Variants in TRIM2 observed in about 807,000 individuals in gnomAD.
TRIM2 encodes tripartite motif containing 2, also known as tripartite motif-containing protein 2.
A neutral mutation model predicts 75.2 loss-of-function variants in TRIM2; 20 were observed. The ratio of observed to expected loss-of-function variants is 0.27; its 90% CI spans 0.19 to 0.39. The LOEUF is 0.39. Ranked by LOEUF, TRIM2 falls within the 10% of genes least tolerant of loss-of-function variation. TRIM2 has a pLI of 1.00. For missense variants in TRIM2, 660 were observed against 990.8 expected (o/e 0.67, Z 4.48); for synonymous variants, 373 against 388.3 (o/e 0.96, Z 0.46).
intron 6 of TRIM2, among the ~76,000 whole-genome samples, chr4:153,301,587 TC>T (rs780701451): frequency 1.4e-4 from 21 of 152,218 alleles, no homozygotes; most frequent in Admixed American, 4.6e-4. Flanking sequence ...TGGAGCTTTT[TC>T]CCTATGTTTT....
chr4:153,249,478 G>A (rs1272441892), intron 1 of TRIM2, among the ~76,000 whole-genome samples: 1 of 152,270 alleles, frequency 6.6e-6, no homozygotes, highest in Non-Finnish European at 1.5e-5. Flanking sequence ...AGGAACATTT[G>A]CGAGGTTCTC....
chr4:153,192,263 A>C (rs1733272503), intron 1 of TRIM2, among the ~76,000 whole-genome samples: 1 of 152,182 alleles, frequency 6.6e-6, no homozygotes, highest in Non-Finnish European at 1.5e-5. Flanking sequence ...TCTACATTAC[A>C]ATCAAAGCAT....
chr4:153,196,431 T>G (rs1733787374), intron 1 of TRIM2, among the ~76,000 whole-genome samples: 1 of 152,152 alleles, frequency 6.6e-6, no homozygotes, highest in Non-Finnish European at 1.5e-5. Flanking sequence ...GGCAAGACCC[T>G]GTCTCTTAAA....
At chr4:153,310,142 T>C (rs1765928940) in intron 6 of TRIM2, 1 of 152,214 alleles carries the variant, frequency 6.6e-6, no homozygotes, top group Non-Finnish European at 1.5e-5. Context: ...GATTTAATTA[T>C]GGAATTATAG....
chr4:153,271,829 T>C (rs1245328117), intron 2 of TRIM2, among the ~76,000 whole-genome samples: 1 of 152,210 alleles, frequency 6.6e-6, no homozygotes, highest in Non-Finnish European at 1.5e-5. Context: ...ATAGCTTGGC[T>C]GATACTCTCT....
chr4:153,155,628 C>G (rs1018970079), intron 1 of TRIM2, among the ~76,000 whole-genome samples: 4 of 152,172 alleles, frequency 2.6e-5, no homozygotes, highest in African/African-American at 9.7e-5. Context: ...GTAAAATTAA[C>G]CACCAAGAGG....
At chr4:153,229,585 C>T (rs1268298806) in intron 1 of TRIM2, among the ~76,000 whole-genome samples, 1 of 152,124 alleles carries the variant, frequency 6.6e-6, no homozygotes, top group African/African-American at 2.4e-5. Flanking sequence ...ACAGTATCTA[C>T]TAGAAATCAA....
At position 153,308,034 on chromosome 4, in the gene TRIM2, A is replaced by T. The variant is rs557293416; in HGVS notation, c.1511-7451A>T. The T allele has an allele frequency of 5.5e-4, 425 of 775,236 alleles. 5 individuals carry two copies. The highest frequency in any genetic ancestry group is 4.2e-3 in the South Asian group (316 of 74,494). 48.0% of individuals were successfully genotyped at this position (775,236 alleles called of 1,614,324 possible). ...CAGGTCTCCTTTAACCTCTTTCTTG[A>T]TGCTCTCCAACATGTCATAAGGACT... On this transcript the variant is annotated intron_variant, in intron 6 of 11. Transcript: ENST00000338700.
chr4:153,190,217 T>C (rs1733042462), intron 1 of TRIM2, among the ~76,000 whole-genome samples: 1 of 152,220 alleles, frequency 6.6e-6, no homozygotes. Flanking sequence ...GTAGAGAAGA[T>C]GAATTCTGTA....
At chr4:153,203,193 C>T (rs1734615821), upstream of TRIM2, among the ~76,000 whole-genome samples, 1 of 150,682 alleles carries the variant, frequency 6.6e-6, no homozygotes, top group Admixed American at 6.6e-5. Context: ...TCCAAATATA[C>T]TGAACTTCTG....
At chr4:153,269,915 ATTTATTTTTTAT>A (rs1484322053) in intron 1 of TRIM2, among the ~76,000 whole-genome samples, 2 of 151,846 alleles carry the variant, frequency 1.3e-5, no homozygotes, top group Non-Finnish European at 2.9e-5. Flanking sequence ...ACCTTTATTT[ATTTATTTTTTAT>A]TTTATTTTTT....
At chr4:153,240,089 C>T (rs1746160832) in intron 1 of TRIM2, among the ~76,000 whole-genome samples, 1 of 152,110 alleles carries the variant, frequency 6.6e-6, no homozygotes, top group African/African-American at 2.4e-5. Flanking sequence ...CCGTCTCAGC[C>T]TCCCAAAATG....
rs189561514 is a variant in TRIM2 at position 153,307,410 on chromosome 4, G to A, written c.1511-8075G>A. Reference sequence around the variant, plus strand: ...TAATTTAAAATGGATGTGTAAAATCGCTTAGCATGAATTCAGAGACTTTAC... The same window carrying A: ...TAATTTAAAATGGATGTGTAAAATCACTTAGCATGAATTCAGAGACTTTAC... On this transcript the variant is annotated intron_variant, in intron 6 of 11. Transcript: ENST00000338700. 3.0e-3 allele frequency among the ~76,000 whole-genome samples: 455 copies of A among 152,110 alleles called. 1 individual carries two copies. Among genetic ancestry groups the A allele is most frequent in the African/African-American group, 0.01 (425 of 41,462 alleles).
intron 1 of TRIM2, among the ~76,000 whole-genome samples, chr4:153,208,304 CTT>C (rs1736026175): frequency 1.3e-5 from 2 of 151,832 alleles, no homozygotes; most frequent in Admixed American, 1.3e-4. Flanking sequence ...GGAAAGTACA[CTT>C]TTTATTTTCA....
chr4:153,301,763 G>A (rs1214682626), intron 6 of TRIM2, among the ~76,000 whole-genome samples: 1 of 152,124 alleles, frequency 6.6e-6, no homozygotes, highest in African/African-American at 2.4e-5. Flanking sequence ...TCCTCATTTT[G>A]TGCTGTTGGC....
rs113380201 is a variant in TRIM2 at position 153,332,985 on chromosome 4, G to A, written c.2164-1829G>A. Reference sequence around the variant, plus strand: ...ACTCCTGGCTGTCTGTCCCAGAGAAGTGAAAACTTACGTCCACACAAAAAC... The same window carrying A: ...ACTCCTGGCTGTCTGTCCCAGAGAAATGAAAACTTACGTCCACACAAAAAC... On this transcript the variant is annotated intron_variant, in intron 11 of 11. Coordinates refer to ENST00000338700, the MANE Select transcript of TRIM2 (RefSeq NM_015271.5). Among the ~76,000 whole-genome samples the A allele has an allele frequency of 2.8e-3, 426 of 152,280 alleles. 3 individuals carry two copies. The highest frequency in any genetic ancestry group is 9.5e-3 in the African/African-American group (395 of 41,564).
At chr4:153,236,049 C>A (rs1345215095) in intron 1 of TRIM2, among the ~76,000 whole-genome samples, 4 of 152,008 alleles carry the variant, frequency 2.6e-5, no homozygotes, top group South Asian at 2.1e-4. Flanking sequence ...TGAGAGAGTT[C>A]TCTTGAGATC....
chr4:153,187,911 T>G (rs2149651996), intron 1 of TRIM2, among the ~76,000 whole-genome samples: 1 of 152,300 alleles, frequency 6.6e-6, no homozygotes, highest in East Asian at 1.9e-4. Context: ...AACGTCCTAT[T>G]ATATCTGGTC....
chr4:153,198,303 A>G (rs550813399), intron 1 of TRIM2, among the ~76,000 whole-genome samples: 1 of 152,290 alleles, frequency 6.6e-6, no homozygotes, highest in East Asian at 1.9e-4. Context: ...GGAGGGACCC[A>G]CAGGGAGGTA....
Sources: allele counts gnomAD v4.1 joint callset (sites outside exome capture counted in the v4.1 genomes callset), GRCh38; gene constraint gnomAD v4.1.1; transcripts MANE v1.5; gene names NCBI Gene and HGNC (gene_info 2026-07-23, HGNC 2026-07-21).